The following OTUD7A variants were observed in gnomAD, a reference collection of about 807,000 sequenced individuals.
OTUD7A encodes the protein OTU domain-containing protein 7A.
OTUD7A carries 12 observed loss-of-function variants against 65.7 expected under a neutral mutation model. The observed-to-expected ratio is 0.18, with a 90% CI of 0.12 to 0.30. The LOEUF (loss-of-function observed/expected upper bound fraction) is 0.30, where lower values mean the gene tolerates loss of function less well. OTUD7A is among the 10% of genes least tolerant of loss of function. The pLI, the probability that OTUD7A is intolerant of heterozygous loss-of-function variation, is 1.00. For missense variants in OTUD7A, 1,148 were observed against 1,304.8 expected (o/e 0.88, Z 1.85); for synonymous variants, 641 against 586.3 (o/e 1.09, Z -1.35).
chr15:31,852,779 C>T (rs1188448487), intron 1 of OTUD7A, among the ~76,000 whole-genome samples: 1 of 152,222 alleles, frequency 6.6e-6, no homozygotes, highest in Non-Finnish European at 1.5e-5. Flanking sequence ...GCAATGATTG[C>T]TACTCTTATC....
Position 31,483,216 on chromosome 15 carries a change from C to G in OTUD7A, c.*78G>C. On this transcript the variant is annotated 3_prime_UTR_variant, in exon 13 of 13. Transcript: ENST00000307050. ...GCGCCGGCCTTCCGGTGGACCAGGGCATGTAAAAAAGACACCGACACAATG... is the reference window on the plus strand; with the variant it reads ...GCGCCGGCCTTCCGGTGGACCAGGGGATGTAAAAAAGACACCGACACAATG... The G allele has an allele frequency of 9.6e-7, 1 of 1,039,208 alleles. No individual in the cohort carries two copies. Among genetic ancestry groups the G allele is most frequent in the Non-Finnish European group, 1.2e-6 (1 of 865,080 alleles). The allele number at this position is 1,039,208 out of a possible 1,614,324, so 64.4% of individuals were successfully genotyped here. A position where few individuals can be genotyped will look rare whatever the true frequency, so the allele number is the denominator to read the frequency against.
At chr15:31,767,266 C>A in intron 1 of OTUD7A, 5 of 858,234 alleles carry the variant, frequency 5.8e-6, no homozygotes, top group South Asian at 1.5e-5. Flanking sequence ...GTTATGTAGC[C>A]ACAAACAACT....
intron 3 of OTUD7A, among the ~76,000 whole-genome samples, chr15:31,610,880 C>T (rs1050030029): frequency 9.2e-5 from 14 of 151,426 alleles, no homozygotes; most frequent in African/African-American, 1.9e-4. Flanking sequence ...CTGCCTGCCT[C>T]GGACTCCCAA....
At position 31,513,268 on chromosome 15, in the gene OTUD7A, A is replaced by G. The variant is rs187168039; in HGVS notation, c.894-9450T>C. 1.6e-4 allele frequency among the ~76,000 whole-genome samples: 25 copies of G among 152,332 alleles called. No individual in the cohort carries two copies. In the East Asian group the frequency reaches 4.8e-3, roughly 29 times the overall value. On this transcript the variant is annotated intron_variant, in intron 8 of 12. Transcript: ENST00000307050. ...GTAAAAAGAGCTTTTGTTTCCCTGA[A>G]CCATTTGAAAATAAACAGCCAACCT...
intron 1 of OTUD7A, among the ~76,000 whole-genome samples, chr15:31,658,416 G>C (rs1386568212): frequency 6.6e-6 from 1 of 152,148 alleles, no homozygotes; most frequent in Admixed American, 6.5e-5. Context: ...ACTGGTGGGG[G>C]CTCCTGCCTT....
intron 1 of OTUD7A, among the ~76,000 whole-genome samples, chr15:31,671,661 C>T (rs1386508217): frequency 6.6e-6 from 1 of 152,100 alleles, no homozygotes; most frequent in Non-Finnish European, 1.5e-5. Context: ...GAATAAATCT[C>T]CTTTAATCAT....
At chr15:31,492,350 G>A (rs1178576410) in intron 10 of OTUD7A, among the ~76,000 whole-genome samples, 1 of 152,196 alleles carries the variant, frequency 6.6e-6, no homozygotes, top group Non-Finnish European at 1.5e-5. Flanking sequence ...AGGCCAAGGT[G>A]GTTGGATCAC....
intron 8 of OTUD7A, among the ~76,000 whole-genome samples, chr15:31,506,726 T>A (rs1361316020): frequency 6.6e-6 from 1 of 152,176 alleles, no homozygotes; most frequent in African/African-American, 2.4e-5. Flanking sequence ...AATATTAAAT[T>A]TTTTTCTTGC....
chr15:31,545,385 C>A (rs1173182730), intron 5 of OTUD7A, among the ~76,000 whole-genome samples: 2 of 151,840 alleles, frequency 1.3e-5, no homozygotes, highest in Non-Finnish European at 2.9e-5. Context: ...GAAATAGAGG[C>A]TCTCAAGTAA....
chr15:31,627,975 G>A (rs1484328150), intron 3 of OTUD7A, among the ~76,000 whole-genome samples: 1 of 152,068 alleles, frequency 6.6e-6, no homozygotes, highest in Non-Finnish European at 1.5e-5. Flanking sequence ...TGAGTTCATT[G>A]TAGATTCTGG....
chr15:31,787,290 T>C (rs1314434677), intron 1 of OTUD7A, among the ~76,000 whole-genome samples: 1 of 152,350 alleles, frequency 6.6e-6, no homozygotes, highest in East Asian at 1.9e-4. Context: ...TTGGTTACCT[T>C]GGAATTTAAT....
At chr15:31,551,579 T>A (rs1888325697) in intron 5 of OTUD7A, among the ~76,000 whole-genome samples, 1 of 152,220 alleles carries the variant, frequency 6.6e-6, no homozygotes, top group Non-Finnish European at 1.5e-5. Context: ...CCAATTAACT[T>A]CAGCTTTGGA....
intron 1 of OTUD7A, among the ~76,000 whole-genome samples, chr15:31,773,077 T>A (rs1895283861): frequency 2.6e-5 from 4 of 152,212 alleles, no homozygotes; most frequent in African/African-American, 9.6e-5. Flanking sequence ...TATGTATCTG[T>A]ATATATGAAT....
chr15:31,717,162 A>C (rs1327545520), intron 1 of OTUD7A, among the ~76,000 whole-genome samples: 1 of 152,214 alleles, frequency 6.6e-6, no homozygotes, highest in Non-Finnish European at 1.5e-5. Context: ...CCAGGATCCC[A>C]CATTGCATTT....
chr15:31,525,568 C>T (rs1203919611), intron 8 of OTUD7A, among the ~76,000 whole-genome samples: 1 of 152,242 alleles, frequency 6.6e-6, no homozygotes, highest in Non-Finnish European at 1.5e-5. Context: ...TGAGGGCAGC[C>T]TGGAGCTGCA....
At chr15:31,634,898 C>T (rs1891293042) in intron 3 of OTUD7A, among the ~76,000 whole-genome samples, 1 of 152,204 alleles carries the variant, frequency 6.6e-6, no homozygotes, top group South Asian at 2.1e-4. Flanking sequence ...AAGCTTTCCT[C>T]AAGGTTGGGA....
chr15:31,759,207 T>C (rs942676510), intron 1 of OTUD7A, among the ~76,000 whole-genome samples: 3 of 152,202 alleles, frequency 2.0e-5, no homozygotes, highest in African/African-American at 7.2e-5. Context: ...CAGCTCTGTC[T>C]CTGTATTAGA....
At chr15:31,653,373 C>T (rs1365520879) in intron 3 of OTUD7A, among the ~76,000 whole-genome samples, 1 of 152,158 alleles carries the variant, frequency 6.6e-6, no homozygotes, top group Admixed American at 6.5e-5. Context: ...TGAAATGCCC[C>T]TGGACAGATG....
chr15:31,779,595 GA>G (rs1234707182), intron 1 of OTUD7A, among the ~76,000 whole-genome samples: 1 of 152,134 alleles, frequency 6.6e-6, no homozygotes, highest in Non-Finnish European at 1.5e-5. Context: ...TTTGTGTGTT[GA>G]AAAAAGTCTG....
Sources: allele counts gnomAD v4.1 joint callset (sites outside exome capture counted in the v4.1 genomes callset), GRCh38; gene constraint gnomAD v4.1.1; transcripts MANE v1.5; gene names NCBI Gene and HGNC (gene_info 2026-07-23, HGNC 2026-07-21).